The following GLIS3 variants were observed in gnomAD, a reference collection of about 807,000 sequenced individuals.
GLIS3 encodes the protein zinc finger protein GLIS3.
Under a neutral mutation model 78.6 loss-of-function variants are expected in GLIS3, and 53 were observed. That is an observed-to-expected ratio of 0.67 (90% CI 0.54 to 0.85). The LOEUF is 0.85. Ranked by LOEUF, GLIS3 falls within the 40% of genes least tolerant of loss-of-function variation. GLIS3 has a pLI of 0.00. For synonymous variants in GLIS3, 684 were observed against 509.9 expected (o/e 1.34, Z -4.60); for missense variants, 1,703 against 1,231.1 (o/e 1.38, Z -5.74).
intron 4 of GLIS3, among the ~76,000 whole-genome samples, chr9:3,971,074 T>C (rs975364337): frequency 2.2e-4 from 16 of 72,616 alleles, no homozygotes; most frequent in African/African-American, 1.2e-3. Context: ...AAGGATTAAT[T>C]GAAGGAAGGA....
At chr9:3,836,194 CAGTTTGTGCCTGGGTAGAAGAATA>C (rs1414471027) in intron 9 of GLIS3, among the ~76,000 whole-genome samples, 1 of 152,194 alleles carries the variant, frequency 6.6e-6, no homozygotes, top group African/African-American at 2.4e-5. Context: ...TGGTGCTAAG[CAGTTTGTGCCTGGGTAGAAGAATA>C]AGCAGATATC....
At chr9:3,886,695 C>CG (rs1822098906) in intron 7 of GLIS3, among the ~76,000 whole-genome samples, 1 of 152,172 alleles carries the variant, frequency 6.6e-6, no homozygotes, top group African/African-American at 2.4e-5. Flanking sequence ...GTACCTTCTG[C>CG]GGTCTTTTTG....
At chr9:3,879,050 A>G (rs929389897) in intron 8 of GLIS3, among the ~76,000 whole-genome samples, 3 of 152,166 alleles carry the variant, frequency 2.0e-5, no homozygotes, top group Non-Finnish European at 4.4e-5. Flanking sequence ...CTGTGCCTTA[A>G]CAATACTGAT....
At chr9:4,030,145 A>G (rs987258862) in intron 4 of GLIS3, among the ~76,000 whole-genome samples, 6 of 152,152 alleles carry the variant, frequency 3.9e-5, no homozygotes, top group Non-Finnish European at 1.5e-5. Flanking sequence ...CATTTTAACT[A>G]TGGTGAGATG....
chr9:3,865,019 T>A (rs1820479172), intron 8 of GLIS3, among the ~76,000 whole-genome samples: 1 of 152,136 alleles, frequency 6.6e-6, no homozygotes, highest in African/African-American at 2.4e-5. Context: ...TTGGTGCAAA[T>A]GTCCAGCTGG....
intron 2 of GLIS3, among the ~76,000 whole-genome samples, chr9:4,312,009 G>T (rs1409141446): frequency 1.3e-5 from 2 of 152,142 alleles, no homozygotes; most frequent in African/African-American, 4.8e-5. Context: ...GGAGGAAGAG[G>T]AGCAGAGAAA....
the GLIS3 span, among the ~76,000 whole-genome samples, chr9:4,487,256 A>G: frequency 6.6e-6 from 1 of 152,142 alleles, no homozygotes; most frequent in African/African-American, 2.4e-5. Context: ...TGTGTTAATG[A>G]CAGGCAGGTG....
chr9:3,939,310 G>A (rs1233030642), intron 4 of GLIS3, among the ~76,000 whole-genome samples: 1 of 152,196 alleles, frequency 6.6e-6, no homozygotes, highest in Non-Finnish European at 1.5e-5. Flanking sequence ...TTCTACCATA[G>A]AGGGATTAGA....
intron 1 of GLIS3, among the ~76,000 whole-genome samples, chr9:4,292,799 G>T (rs1307078432): frequency 6.6e-6 from 1 of 152,104 alleles, no homozygotes; most frequent in African/African-American, 2.4e-5. Context: ...TGCTAAAGTG[G>T]GTAAAGTTTA....
chr9:4,011,252 G>T (rs1048703722), intron 4 of GLIS3, among the ~76,000 whole-genome samples: 1 of 152,182 alleles, frequency 6.6e-6, no homozygotes, highest in Non-Finnish European at 1.5e-5. Context: ...GCTGAGGTGT[G>T]GCACTGGAGA....
chr9:3,896,549 C>A (rs1423072057), intron 7 of GLIS3, among the ~76,000 whole-genome samples: 7 of 151,042 alleles, frequency 4.6e-5, no homozygotes, highest in Non-Finnish European at 1.0e-4. Flanking sequence ...ACCTGTAGTC[C>A]CAGCTGCTAG....
chr9:3,919,176 G>C, intron 6 of GLIS3, among the ~76,000 whole-genome samples: 1 of 152,126 alleles, frequency 6.6e-6, no homozygotes, highest in Non-Finnish European at 1.5e-5. Flanking sequence ...ATCTCTAACA[G>C]AGGCCACTAT....
At chr9:4,185,326 C>A (rs915807982) in intron 2 of GLIS3, among the ~76,000 whole-genome samples, 1 of 152,132 alleles carries the variant, frequency 6.6e-6, no homozygotes, top group African/African-American at 2.4e-5. Context: ...CATTATATGG[C>A]TAAACTGTAT....
intron 2 of GLIS3, among the ~76,000 whole-genome samples, chr9:4,201,507 T>C (rs1320994212): frequency 6.6e-6 from 1 of 152,170 alleles, no homozygotes; most frequent in African/African-American, 2.4e-5. Flanking sequence ...AAAATCACTG[T>C]ACAAAAGTCC....
intron 2 of GLIS3, among the ~76,000 whole-genome samples, chr9:4,267,856 C>T (rs1826153074): frequency 6.6e-6 from 1 of 152,118 alleles, no homozygotes; most frequent in African/African-American, 2.4e-5. Flanking sequence ...GACAACGTTT[C>T]TACTAGGTAC....
At chr9:3,857,247 C>G (rs1819855223) in intron 8 of GLIS3, among the ~76,000 whole-genome samples, 4 of 152,182 alleles carry the variant, frequency 2.6e-5, no homozygotes, top group Admixed American at 2.6e-4. Context: ...CTGTTCCTTA[C>G]ACTGTGTAGA....
chr9:4,142,888 T>C (rs1833914353), intron 2 of GLIS3, among the ~76,000 whole-genome samples: 1 of 152,154 alleles, frequency 6.6e-6, no homozygotes, highest in Non-Finnish European at 1.5e-5. Flanking sequence ...AGAGAAATTT[T>C]GAGAAATCAA....
intron 2 of GLIS3, among the ~76,000 whole-genome samples, chr9:4,336,852 G>A (rs568538883): frequency 6.6e-6 from 1 of 152,138 alleles, no homozygotes; most frequent in African/African-American, 2.4e-5. Flanking sequence ...TATGAAAAGA[G>A]GTCTACAAAG....
chr9:4,049,984 T>C (rs1391882520), intron 4 of GLIS3, among the ~76,000 whole-genome samples: 1 of 152,042 alleles, frequency 6.6e-6, no homozygotes, highest in Non-Finnish European at 1.5e-5. Context: ...ATAGGAACAC[T>C]TTTACACTGT....
Sources: gnomAD v4.1 joint callset for allele counts (sites outside exome capture counted in the v4.1 genomes callset) on GRCh38, gnomAD v4.1.1 for gene constraint, MANE v1.5 for transcripts, NCBI Gene and HGNC (gene_info 2026-07-23, HGNC 2026-07-21) for gene names.